CERS5: variants seen among roughly 807,000 people sequenced by gnomAD.
CERS5 encodes ceramide synthase 5.
Under a neutral mutation model 58.9 loss-of-function variants are expected in CERS5, and 37 were observed. The observed-to-expected ratio is 0.63, with a 90% CI of 0.48 to 0.83. CERS5 has a LOEUF of 0.83. Among genes scored for constraint, CERS5 ranks in the 40% least tolerant of loss-of-function variants. CERS5 has a pLI of 0.00. For synonymous variants in CERS5, 147 were observed against 177.8 expected (o/e 0.83, Z 1.38); for missense variants, 398 against 489.3 (o/e 0.81, Z 1.76).
Position 50,130,526 on chromosome 12 carries a change from A to T in CERS5, c.*19T>A. The T allele has an allele frequency of 6.4e-7, 1 of 1,570,846 alleles. No individual in the cohort carries two copies. The highest frequency in any genetic ancestry group is 8.7e-7 in the Non-Finnish European group (1 of 1,148,690). On this transcript the variant is annotated 3_prime_UTR_variant, in exon 10 of 10. Coordinates refer to ENST00000317551, the MANE Select transcript of CERS5 (RefSeq NM_147190.5). ...GGCCCTACAAGTCCATGTGTGCTGAAGTCCCTATAGCAACCACCTTACTCT... is the reference window on the plus strand; with the variant it reads ...GGCCCTACAAGTCCATGTGTGCTGATGTCCCTATAGCAACCACCTTACTCT...
intron 1 of CERS5, among the ~76,000 whole-genome samples, chr12:50,160,803 T>TCAGC (rs1480150469): frequency 6.6e-6 from 1 of 152,154 alleles, no homozygotes; most frequent in Non-Finnish European, 1.5e-5. Context: ...CTTTCCCTAA[T>TCAGC]CAGCACACAA....
intron 1 of CERS5, among the ~76,000 whole-genome samples, chr12:50,156,493 G>T (rs1436655940): frequency 6.8e-6 from 1 of 147,580 alleles, no homozygotes; most frequent in Admixed American, 6.9e-5. Flanking sequence ...GCTACTGGGA[G>T]GCTGAGGTGG....
At chr12:50,135,146 AGGAG>A (rs1565768448) in intron 8 of CERS5, among the ~76,000 whole-genome samples, 1 of 38,310 alleles carries the variant, frequency 2.6e-5, no homozygotes, top group Non-Finnish European at 4.9e-5. Flanking sequence ...GGAGAGAGAG[AGGAG>A]GGAGGGAGAG....
intron 1 of CERS5, among the ~76,000 whole-genome samples, chr12:50,151,008 C>T (rs967120122): frequency 1.7e-4 from 26 of 152,024 alleles, no homozygotes; most frequent in Admixed American, 1.4e-3. Context: ...AAATTTCATT[C>T]TACTTATCCC....
intron 1 of CERS5, among the ~76,000 whole-genome samples, chr12:50,159,796 G>A (rs1939069141): frequency 6.6e-6 from 1 of 151,798 alleles, no homozygotes; most frequent in Non-Finnish European, 1.5e-5. Context: ...TCACCATGTT[G>A]GTCAGGCTGG....
At chr12:50,145,810 T>C (rs933649242) in intron 1 of CERS5, among the ~76,000 whole-genome samples, 2 of 152,218 alleles carry the variant, frequency 1.3e-5, no homozygotes, top group Non-Finnish European at 2.9e-5. Flanking sequence ...AGACTGCTTT[T>C]ATATTTACCA....
intron 6 of CERS5, among the ~76,000 whole-genome samples, chr12:50,137,212 C>G (rs912859738): frequency 8.5e-5 from 13 of 152,166 alleles, no homozygotes; most frequent in Admixed American, 1.3e-4. Context: ...ATTTCCAACT[C>G]TGTCACTATC....
intron 9 of CERS5, among the ~76,000 whole-genome samples, chr12:50,131,575 AAAG>A (rs368119489): frequency 8.1e-5 from 6 of 73,834 alleles, no homozygotes; most frequent in African/African-American, 1.0e-4. Flanking sequence ...AAAAAAAAAA[AAAG>A]AAAAAAAAAA....
chr12:50,130,055 A>C lies in CERS5; in HGVS notation c.*490T>G, dbSNP rs1951230188. On this transcript the variant is annotated 3_prime_UTR_variant, in exon 10 of 10. Transcript: ENST00000317551. ...TGTTTCTATACAACTTCATCATGTGACATATTCCAGCTGTGAAAGAGGAAC... is the reference window on the plus strand; with the variant it reads ...TGTTTCTATACAACTTCATCATGTGCCATATTCCAGCTGTGAAAGAGGAAC... 1 of 153,030 alleles carries C rather than the reference A, an allele frequency of 6.5e-6. No individual in the cohort carries two copies. The highest frequency in any genetic ancestry group is 2.4e-5 in the African/African-American group (1 of 41,468). The allele number at this position is 153,030 out of a possible 1,614,324, so 9.5% of individuals were successfully genotyped here. A position where few individuals can be genotyped will look rare whatever the true frequency, so the allele number is the denominator to read the frequency against.
intron 1 of CERS5, among the ~76,000 whole-genome samples, chr12:50,148,272 C>T (rs1037238235): frequency 5.3e-5 from 8 of 151,938 alleles, no homozygotes; most frequent in African/African-American, 1.9e-4. Context: ...CACTGCACTT[C>T]AGCCTGTGTG....
In CERS5 at chr12:50,148,904, CAAAAAAAAAA is replaced by C. The variant is rs71083511; in HGVS notation, c.198-4857_198-4848del. Among the ~76,000 whole-genome samples the C allele has an allele frequency of 4.8e-3, 345 of 72,046 alleles. 6 individuals are homozygous for C. The highest frequency in any genetic ancestry group is 0.017 in the African/African-American group (288 of 16,476). 47.3% of individuals were successfully genotyped at this position (72,046 alleles called of 152,430 possible). A position where few individuals can be genotyped will look rare whatever the true frequency, so the allele number is the denominator to read the frequency against. On this transcript the variant is annotated intron_variant, in intron 1 of 9. Transcript: ENST00000317551. ...GGGGTGACGGAGCGAGACTCCATCT[CAAAAAAAAAA>C]AAAAAAAAAAAAAATATATATATAT... is the stretch of plus-strand genomic sequence containing the variant.
intron 9 of CERS5, among the ~76,000 whole-genome samples, chr12:50,131,780 C>A (rs577035142): frequency 8.5e-5 from 13 of 152,088 alleles, no homozygotes; most frequent in African/African-American, 3.1e-4. Flanking sequence ...AACTATCCTG[C>A]ATATCAAGCA....
At chr12:50,165,905 T>C (rs552334663) in intron 1 of CERS5, 1 of 453,566 alleles carries the variant, frequency 2.2e-6, no homozygotes, top group South Asian at 1.6e-5. Context: ...AAATTCACAT[T>C]ATAATATCAC....
chr12:50,129,644 A>C lies in CERS5; in HGVS notation c.*901T>G, dbSNP rs1388733328. 6.6e-6 allele frequency: 1 copy of C among 151,876 alleles called. No homozygotes were observed. The highest frequency in any genetic ancestry group is 2.4e-5 in the African/African-American group (1 of 41,326). The allele number at this position is 151,876 out of a possible 1,614,324, so 9.4% of individuals were successfully genotyped here. On this transcript the variant is annotated 3_prime_UTR_variant, in exon 10 of 10. Transcript: ENST00000317551. ...TTTCTTAAAAAACATAAAGCTCTAA[A>C]ATGTAAGCACCCTGGCTGACTCTTC...
intron 9 of CERS5, among the ~76,000 whole-genome samples, chr12:50,131,558 C>CAAAAAAAAAAA (rs752634104): frequency 1.4e-5 from 1 of 69,824 alleles, no homozygotes; most frequent in Non-Finnish European, 2.7e-5. Context: ...GACTCCATCT[C>CAAAAAAAAAAA]AAAAAAAAAA....
In CERS5 at chr12:50,137,456, G is replaced by A. The variant is rs566921389; in HGVS notation, c.636+272C>T. Among the ~76,000 whole-genome samples, 6 of 152,292 alleles carry A rather than the reference G, an allele frequency of 3.9e-5. No homozygotes were observed. The South Asian group carries it at 1.0e-3, about 26-fold the overall frequency. ...ATTCTGACTAGTTTCCTGAGCTTTA[G>A]ATATGTAAGAAGCTTAAAGAAGAAT... is the stretch of plus-strand genomic sequence containing the variant. On this transcript the variant is annotated intron_variant, in intron 6 of 9. Coordinates refer to ENST00000317551, the MANE Select transcript of CERS5 (RefSeq NM_147190.5).
intron 1 of CERS5, among the ~76,000 whole-genome samples, chr12:50,158,991 T>C (rs1938964228): frequency 6.6e-6 from 1 of 151,980 alleles, no homozygotes; most frequent in Non-Finnish European, 1.5e-5. Flanking sequence ...GGCAAAATTA[T>C]AGAGCAATGC....
At position 50,130,046 on chromosome 12, in the gene CERS5, C is replaced by CATCA. The variant is rs1254446605; in HGVS notation, c.*495_*498dup. On this transcript the variant is annotated 3_prime_UTR_variant, in exon 10 of 10. Coordinates refer to ENST00000317551, the MANE Select transcript of CERS5 (RefSeq NM_147190.5). ...CCATGGTTCTGTTTCTATACAACTTCATCATGTGACATATTCCAGCTGTGA... is the reference window on the plus strand; with the variant it reads ...CCATGGTTCTGTTTCTATACAACTTCATCAATCATGTGACATATTCCAGCTGTGA... 6.5e-6 allele frequency: 1 copy of CATCA among 152,940 alleles called. No individual in the cohort carries two copies. The highest frequency in any genetic ancestry group is 2.4e-5 in the African/African-American group (1 of 41,468). The allele number at this position is 152,940 out of a possible 1,614,324, so 9.5% of individuals were successfully genotyped here. A position where few individuals can be genotyped will look rare whatever the true frequency, so the allele number is the denominator to read the frequency against.
At chr12:50,167,046 C>A (rs905437107) in intron 1 of CERS5, 55 bp downstream of exon 1, 4 of 1,360,250 alleles carry the variant, frequency 2.9e-6, no homozygotes, top group Non-Finnish European at 3.9e-6. Flanking sequence ...CTTCCCACAG[C>A]GGGGCGCCCC....
Sources: gnomAD v4.1 joint callset for allele counts (sites outside exome capture counted in the v4.1 genomes callset) on GRCh38, gnomAD v4.1.1 for gene constraint, MANE v1.5 for transcripts, NCBI Gene and HGNC (gene_info 2026-07-23, HGNC 2026-07-21) for gene names.